Variants in SHANK2 observed in about 807,000 individuals in gnomAD.
SHANK2 encodes the protein SH3 and multiple ankyrin repeat domains protein 2.
SHANK2 carries 43 observed loss-of-function variants against 133.7 expected under a neutral mutation model. The ratio of observed to expected loss-of-function variants is 0.32; its 90% CI spans 0.25 to 0.41. The LOEUF (loss-of-function observed/expected upper bound fraction) is 0.41, where lower values mean the gene tolerates loss of function less well. Ranked by LOEUF, SHANK2 falls within the 10% of genes least tolerant of loss-of-function variation. The pLI, the probability that SHANK2 is intolerant of heterozygous loss-of-function variation, is 1.00. For synonymous variants in SHANK2, 1,017 were observed against 952.8 expected, an observed-to-expected ratio of 1.07 and a Z score of -1.24; for missense variants, 1,994 against 2,235.8, an observed-to-expected ratio of 0.89 and a Z score of 2.18.
intron 17 of SHANK2, among the ~76,000 whole-genome samples, chr11:70,641,073 T>C (rs934798486): frequency 1.7e-4 from 26 of 151,752 alleles, no homozygotes; most frequent in Admixed American, 3.3e-4. Context: ...TTTTTTTCTT[T>C]ACTATGCTTT....
intron 17 of SHANK2, 105 bp downstream of exon 17, chr11:70,659,723 G>C (rs1246482519): frequency 1.4e-6 from 2 of 1,413,976 alleles, no homozygotes; most frequent in Non-Finnish European, 2.0e-6. Context: ...GCCTCCACAA[G>C]CACCCCCAGA....
chr11:71,165,436 C>A (rs1245818091), intron 2 of SHANK2, among the ~76,000 whole-genome samples: 1 of 152,208 alleles, frequency 6.6e-6, no homozygotes, highest in African/African-American at 2.4e-5. Context: ...TCCCTGGGAG[C>A]TGCCCCCAGG....
At chr11:71,208,895 A>G (rs1555118437) in intron 2 of SHANK2, among the ~76,000 whole-genome samples, 1 of 152,190 alleles carries the variant, frequency 6.6e-6, no homozygotes, top group East Asian at 1.9e-4. Context: ...ACAGGCCAGG[A>G]AACAGAAGAA....
At chr11:70,870,222 G>A (rs1196383688) in intron 11 of SHANK2, among the ~76,000 whole-genome samples, 4 of 152,176 alleles carry the variant, frequency 2.6e-5, no homozygotes, top group Non-Finnish European at 5.9e-5. Context: ...CTTCGTTCCA[G>A]GGGACTGAGA....
chr11:70,854,677 C>T (rs1467607417), intron 11 of SHANK2, among the ~76,000 whole-genome samples: 7 of 152,190 alleles, frequency 4.6e-5, no homozygotes, highest in Non-Finnish European at 1.0e-4. Context: ...TGAAAGGTCC[C>T]GCCAAAGCTG....
rs183177614 is a variant in SHANK2, at chr11:70,762,983, G to A, written c.1777+35460C>T. 2.7e-4 allele frequency among the ~76,000 whole-genome samples: 41 copies of A among 152,254 alleles called. No homozygotes were observed. The East Asian group carries it at 6.0e-3, about 22-fold the overall frequency. On this transcript the variant is annotated intron_variant, in intron 14 of 25. Coordinates refer to ENST00000601538, the MANE Select transcript of SHANK2 (RefSeq NM_012309.5). ...TCACCTGCACACCACCATGAGGCCC[G>A]GCCATACTGCATTCCACCTGGGCAC...
At chr11:71,099,181 C>A (rs919190274) in intron 6 of SHANK2, among the ~76,000 whole-genome samples, 3 of 152,104 alleles carry the variant, frequency 2.0e-5, no homozygotes, top group Admixed American at 1.3e-4. Context: ...ACAATCACCA[C>A]CAAGAGGTGC....
intron 3 of SHANK2, among the ~76,000 whole-genome samples, chr11:71,141,402 G>A (rs1221030664): frequency 6.6e-6 from 1 of 152,128 alleles, no homozygotes; most frequent in Non-Finnish European, 1.5e-5. Context: ...TCAGGAGGCT[G>A]AGGCAGGAGA....
intron 14 of SHANK2, among the ~76,000 whole-genome samples, chr11:70,732,221 A>G (rs974945910): frequency 1.3e-5 from 2 of 152,176 alleles, no homozygotes; most frequent in Admixed American, 6.5e-5. Flanking sequence ...CGCCTCATCC[A>G]GTTGCTGAAG....
At chr11:70,669,876 G>A (rs1321614372) in intron 15 of SHANK2, among the ~76,000 whole-genome samples, 1 of 152,252 alleles carries the variant, frequency 6.6e-6, no homozygotes, top group African/African-American at 2.4e-5. Context: ...CACAGGAGCT[G>A]CTGGGGAACG....
At chr11:71,178,047 A>G (rs1411338839) in intron 2 of SHANK2, among the ~76,000 whole-genome samples, 1 of 152,252 alleles carries the variant, frequency 6.6e-6, no homozygotes, top group Non-Finnish European at 1.5e-5. Flanking sequence ...AATAGAGAGT[A>G]ACATCTGATC....
rs1393456981 is a variant in SHANK2 at position 70,664,471 on chromosome 11, C to T, written c.1854-2793G>A. Among the ~76,000 whole-genome samples the T allele has an allele frequency of 3.3e-5, 5 of 152,304 alleles. No individual in the cohort carries two copies. The East Asian group carries it at 9.7e-4, about 29-fold the overall frequency. On this transcript the variant is annotated intron_variant, in intron 15 of 25. Transcript: ENST00000601538. The stretch of plus-strand genomic sequence containing the variant: ...GGAGCTGCTGAGGGTGACCGCCTCC[C>T]TGAAACCCTGGAAGGATGATGCCGA...
At chr11:70,504,409 C>A (rs915604661) in intron 17 of SHANK2, among the ~76,000 whole-genome samples, 1 of 152,226 alleles carries the variant, frequency 6.6e-6, no homozygotes, top group Admixed American at 6.5e-5. Flanking sequence ...ACCTACGAGA[C>A]GGCTGCAGAG....
chr11:71,157,926 G>T (rs1952934325), intron 2 of SHANK2, among the ~76,000 whole-genome samples: 1 of 152,166 alleles, frequency 6.6e-6, no homozygotes, highest in Non-Finnish European at 1.5e-5. Context: ...GCCCCTGTGT[G>T]CAGCTCTTAA....
At chr11:70,543,188 C>T (rs1391954957) in intron 17 of SHANK2, among the ~76,000 whole-genome samples, 1 of 152,208 alleles carries the variant, frequency 6.6e-6, no homozygotes, top group African/African-American at 2.4e-5. Flanking sequence ...GGAGGAGCCA[C>T]ACACAGTCTG....
chr11:70,653,735 C>T (rs781797028), intron 17 of SHANK2, among the ~76,000 whole-genome samples: 11 of 152,176 alleles, frequency 7.2e-5, no homozygotes, highest in East Asian at 1.9e-4. Flanking sequence ...TAGTCAGAGG[C>T]GCTGAGCACA....
chr11:71,196,204 T>G (rs1953898649), intron 2 of SHANK2, among the ~76,000 whole-genome samples: 1 of 152,028 alleles, frequency 6.6e-6, no homozygotes, highest in Non-Finnish European at 1.5e-5. Context: ...TAAATTAATA[T>G]ATATGTGAAT....
intron 9 of SHANK2, among the ~76,000 whole-genome samples, chr11:71,060,969 G>GA (rs1224515043): frequency 6.6e-6 from 1 of 152,178 alleles, no homozygotes; most frequent in East Asian, 1.9e-4. Context: ...TTGAGTACAG[G>GA]AAAAAATATG....
intron 2 of SHANK2, among the ~76,000 whole-genome samples, chr11:71,210,415 ATT>A (rs1954249133): frequency 6.7e-6 from 1 of 149,994 alleles, no homozygotes; most frequent in Non-Finnish European, 1.5e-5. Context: ...CGCCCGGCTA[ATT>A]TTTTTGTATT....
Sources: allele counts gnomAD v4.1 joint callset (sites outside exome capture counted in the v4.1 genomes callset), GRCh38; gene constraint gnomAD v4.1.1; transcripts MANE v1.5; gene names NCBI Gene and HGNC (gene_info 2026-07-23, HGNC 2026-07-21).